SPRY3: variants seen among roughly 807,000 people sequenced by gnomAD.
SPRY3 encodes the protein protein sprouty homolog 3.
A neutral mutation model predicts 20.2 loss-of-function variants in SPRY3; 15 were observed. The observed-to-expected ratio is 0.74, with a 90% CI of 0.50 to 1.14. SPRY3 has a LOEUF of 1.14. Among genes scored for constraint, SPRY3 ranks in the 50% most tolerant of loss-of-function variants. The probability of loss-of-function intolerance (pLI) is 0.00; values close to 1 mark genes in which losing one functional copy is unlikely to be tolerated. For synonymous variants in SPRY3, 143 were observed against 136.5 expected, an observed-to-expected ratio of 1.05 and a Z score of -0.33; for missense variants, 364 against 363.9, an observed-to-expected ratio of 1.00 and a Z score of 0.00.
At chrX:155,669,244 T>C (rs1478312453) in intron 2 of SPRY3, among the ~76,000 whole-genome samples, 1 of 111,681 alleles carries the variant, frequency 9.0e-6, no homozygotes. Flanking sequence ...GTGTTACCAT[T>C]CAGAAGTTAT....
At chrX:155,733,863 C>T (rs2091150912) in intron 2 of SPRY3, among the ~76,000 whole-genome samples, 1 of 152,090 alleles carries the variant, frequency 6.6e-6, no homozygotes, top group African/African-American at 2.4e-5. Context: ...TGGCTTCTTT[C>T]CTTAAATCTC....
intron 2 of SPRY3, among the ~76,000 whole-genome samples, chrX:155,720,541 G>T (rs1280911291): frequency 5.3e-5 from 8 of 152,162 alleles, no homozygotes; most frequent in Non-Finnish European, 1.2e-4. Flanking sequence ...CAGTCACAGT[G>T]GTGGTGACCA....
intron 1 of SPRY3, among the ~76,000 whole-genome samples, chrX:155,642,906 CT>C (rs1321005744): frequency 3.6e-5 from 4 of 111,681 alleles, no homozygotes; most frequent in African/African-American, 6.5e-5. Flanking sequence ...TATGGTTTAT[CT>C]TTGATAATGT....
At chrX:155,745,934 G>A (rs1335920107) in intron 2 of SPRY3, among the ~76,000 whole-genome samples, 1 of 152,022 alleles carries the variant, frequency 6.6e-6, no homozygotes, top group African/African-American at 2.4e-5. Context: ...AGGAATAAGA[G>A]CGAGCGTTAC....
At chrX:155,773,980 C>G (rs1354922378) in exon 4 of SPRY3, 2 of 1,613,988 alleles carry the variant, frequency 1.2e-6, no homozygotes, top group Non-Finnish European at 1.7e-6. Context: ...CCCCTGTAAA[C>G]AGGCCCTCTC....
intron 2 of SPRY3, among the ~76,000 whole-genome samples, chrX:155,719,493 G>A (rs1314887130): frequency 6.6e-6 from 1 of 152,072 alleles, no homozygotes; most frequent in Non-Finnish European, 1.5e-5. Context: ...AGGCAGCTAA[G>A]GGAGTGCTGG....
chrX:155,736,733 G>A (rs778696562), intron 2 of SPRY3, among the ~76,000 whole-genome samples: 140 of 151,790 alleles, frequency 9.2e-4, no homozygotes, highest in Non-Finnish European at 1.5e-3. Context: ...CTGTGGTTTG[G>A]TATCTGTTAA....
intron 2 of SPRY3, among the ~76,000 whole-genome samples, chrX:155,679,019 G>T (rs753529146): frequency 9.1e-6 from 1 of 110,481 alleles, no homozygotes. Flanking sequence ...GACACAGAGC[G>T]GGGAACATCA....
chrX:155,654,268 T>A (rs2067985321), intron 1 of SPRY3, among the ~76,000 whole-genome samples: 1 of 112,362 alleles, frequency 8.9e-6, no homozygotes, highest in Non-Finnish European at 1.9e-5. Flanking sequence ...TGGTTATTGA[T>A]TTTTAAAATG....
chrX:155,697,500 TACACAC>T (rs35884004), intron 2 of SPRY3, among the ~76,000 whole-genome samples: 2 of 96,667 alleles, frequency 2.1e-5, no homozygotes, highest in African/African-American at 4.0e-5. Context: ...ATTATACACA[TACACAC>T]ACACACACAC....
chrX:155,717,827 C>T (rs2091033054), intron 2 of SPRY3, among the ~76,000 whole-genome samples: 1 of 152,034 alleles, frequency 6.6e-6, no homozygotes. Flanking sequence ...TGGGTCGGTT[C>T]CAAGTCTTTG....
At chrX:155,760,875 T>C (rs1451440958) in intron 2 of SPRY3, among the ~76,000 whole-genome samples, 1 of 152,136 alleles carries the variant, frequency 6.6e-6, no homozygotes, top group Non-Finnish European at 1.5e-5. Flanking sequence ...TACCGGTCCA[T>C]GGTCTGCGGG....
intron 3 of SPRY3, among the ~76,000 whole-genome samples, chrX:155,769,496 G>A (rs1466717588): frequency 6.6e-6 from 1 of 151,908 alleles, no homozygotes; most frequent in African/African-American, 2.4e-5. Context: ...CTACCATTAG[G>A]ACTAGACCTT....
At chrX:155,676,241 CT>C (rs1420040286) in intron 2 of SPRY3, among the ~76,000 whole-genome samples, 1 of 110,950 alleles carries the variant, frequency 9.0e-6, no homozygotes. Flanking sequence ...ATACTTTCTT[CT>C]ATTTTTTTCA....
At chrX:155,677,155 A>G (rs763962118) in intron 2 of SPRY3, among the ~76,000 whole-genome samples, 15 of 112,194 alleles carry the variant, frequency 1.3e-4, no homozygotes, top group Non-Finnish European at 2.6e-4. Flanking sequence ...AACCATAAAT[A>G]AAGTTATCAG....
chrX:155,750,226 A>G (rs1284848904), intron 2 of SPRY3, among the ~76,000 whole-genome samples: 1 of 151,896 alleles, frequency 6.6e-6, no homozygotes, highest in Non-Finnish European at 1.5e-5. Flanking sequence ...GGAGCTAAAC[A>G]TTGGGTACAC....
intron 3 of SPRY3, among the ~76,000 whole-genome samples, chrX:155,772,184 A>G (rs1169565040): frequency 6.6e-6 from 1 of 152,216 alleles, no homozygotes; most frequent in Non-Finnish European, 1.5e-5. Context: ...ATATGCCAAA[A>G]AGGTTATTTG....
chrX:155,630,701 C>T (rs1557350420), intron 1 of SPRY3, among the ~76,000 whole-genome samples: 2 of 110,749 alleles, frequency 1.8e-5, no homozygotes. Flanking sequence ...TCATAGTATT[C>T]TTATTTGGAT....
intron 2 of SPRY3, among the ~76,000 whole-genome samples, chrX:155,744,814 G>C (rs962354548): frequency 1.3e-5 from 2 of 151,996 alleles, no homozygotes; most frequent in Admixed American, 6.6e-5. Flanking sequence ...TTTACCTGTG[G>C]ATTGTTTTGT....
Sources: gnomAD v4.1 joint callset for allele counts (sites outside exome capture counted in the v4.1 genomes callset) on GRCh38, gnomAD v4.1.1 for gene constraint, MANE v1.5 for transcripts, NCBI Gene and HGNC (gene_info 2026-07-23, HGNC 2026-07-21) for gene names.